Variants in KIAA0930 observed in about 807,000 individuals in gnomAD.
KIAA0930 encodes the protein uncharacterized protein KIAA0930.
A neutral mutation model predicts 43.9 loss-of-function variants in KIAA0930; 24 were observed. The ratio of observed to expected loss-of-function variants is 0.55; its 90% CI spans 0.40 to 0.77. The LOEUF (loss-of-function observed/expected upper bound fraction) is 0.77, where lower values mean the gene tolerates loss of function less well. Ranked by LOEUF, KIAA0930 falls within the 30% of genes least tolerant of loss-of-function variation. KIAA0930 has a pLI of 0.00. For synonymous variants in KIAA0930, 259 were observed against 216.4 expected, an observed-to-expected ratio of 1.20 and a Z score of -1.73; for missense variants, 461 against 574.2, an observed-to-expected ratio of 0.80 and a Z score of 2.02.
chr22:45,240,543 C>T (rs2083910585), intron 1 of KIAA0930, 97 bp downstream of exon 1: 3 of 830,936 alleles, frequency 3.6e-6, no homozygotes, highest in Admixed American at 2.3e-5. Context: ...CGCGCAGAGA[C>T]AGAGATGCGC....
chr22:45,202,966 C>T (rs772484012), intron 7 of KIAA0930, 24 bp downstream of exon 7: 13 of 1,557,856 alleles, frequency 8.3e-6, no homozygotes, highest in South Asian at 2.4e-5. Context: ...TGGGAGCCCC[C>T]GCCCCCAGCT....
intron 1 of KIAA0930, among the ~76,000 whole-genome samples, chr22:45,217,317 C>T (rs192504778): frequency 5.8e-4 from 76 of 130,562 alleles, no homozygotes; most frequent in South Asian, 1.1e-3. Flanking sequence ...GCTAAAATCA[C>T]GCCACTGCAC....
chr22:45,224,542 A>G (rs180839737), intron 1 of KIAA0930, among the ~76,000 whole-genome samples: 20 of 152,078 alleles, frequency 1.3e-4, no homozygotes, highest in Non-Finnish European at 8.8e-5. Context: ...GTTTGAACCC[A>G]CTCGTCCTCA....
At chr22:45,231,442 G>T (rs1601827104) in intron 1 of KIAA0930, among the ~76,000 whole-genome samples, 1 of 151,686 alleles carries the variant, frequency 6.6e-6, no homozygotes, top group Admixed American at 6.6e-5. Context: ...TCCGAGGGAT[G>T]TCTGGGCTTG....
intron 1 of KIAA0930, among the ~76,000 whole-genome samples, chr22:45,227,836 C>G (rs996248780): frequency 6.6e-6 from 1 of 152,228 alleles, no homozygotes; most frequent in Non-Finnish European, 1.5e-5. Flanking sequence ...GCAGCTCCGG[C>G]TGGGGCGGAT....
At chr22:45,223,659 G>A (rs983285700) in intron 1 of KIAA0930, among the ~76,000 whole-genome samples, 1 of 151,652 alleles carries the variant, frequency 6.6e-6, no homozygotes, top group African/African-American at 2.4e-5. Flanking sequence ...CACTAAGCCA[G>A]CACCCAGGGT....
At chr22:45,239,139 G>A (rs777321816) in intron 1 of KIAA0930, among the ~76,000 whole-genome samples, 5 of 152,204 alleles carry the variant, frequency 3.3e-5, no homozygotes, top group African/African-American at 7.2e-5. Context: ...GTGGTCAGAG[G>A]ACAATAGGTG....
rs774160004 is a variant in KIAA0930 at position 45,202,982 on chromosome 22, GC to G, written c.852+7del. ...GGGAGCCCCCGCCCCCAGCTGTGCA[GC>G]CCTTACCCGCTCGTGCATGGGCGAA... On this transcript the variant is annotated splice_region_variant and intron_variant, in intron 7 of 9. Transcript: ENST00000336156. The G allele has an allele frequency of 1.4e-5, 22 of 1,600,578 alleles. No homozygotes were observed. The highest frequency in any genetic ancestry group is 1.7e-5 in the Non-Finnish European group (20 of 1,173,248).
At chr22:45,215,536 A>G (rs2083726514) in intron 1 of KIAA0930, among the ~76,000 whole-genome samples, 1 of 152,254 alleles carries the variant, frequency 6.6e-6, no homozygotes, top group Non-Finnish European at 1.5e-5. Flanking sequence ...ACGAAAGGAA[A>G]GGACACAATA....
rs55641702 is a variant in KIAA0930 at position 45,206,701 on chromosome 22, A to ATTTT, written c.217-793_217-790dup. Among the ~76,000 whole-genome samples, 93 of 146,264 alleles carry ATTTT rather than the reference A, an allele frequency of 6.4e-4. 2 individuals are homozygous for ATTTT. Among genetic ancestry groups the ATTTT allele is most frequent in the Non-Finnish European group, 7.5e-4 (50 of 66,612 alleles). Reference sequence around the variant, plus strand: ...ACCTCTCCTGGGAGACTGGCTTCCAATTTTTTTTTTTTTTTGAGACAGAAT... The same window carrying ATTTT: ...ACCTCTCCTGGGAGACTGGCTTCCAATTTTTTTTTTTTTTTTTTTGAGACAGAAT... On this transcript the variant is annotated intron_variant, in intron 2 of 9. Coordinates refer to ENST00000336156, the MANE Select transcript of KIAA0930 (RefSeq NM_001009880.2).
chr22:45,229,823 G>C (rs934743806), intron 1 of KIAA0930, among the ~76,000 whole-genome samples: 29 of 152,388 alleles, frequency 1.9e-4, no homozygotes, highest in African/African-American at 6.5e-4. Context: ...GCCAGGTGCA[G>C]TGGCTCATGC....
Position 45,196,696 on chromosome 22 carries a change from G to A in KIAA0930, c.*480C>T, listed in dbSNP as rs2072718. 5.4e-4 allele frequency: 85 copies of A among 155,982 alleles called. 1 individual carries two copies. The East Asian group carries it at 0.012, about 23-fold the overall frequency. The allele number at this position is 155,982 out of a possible 1,614,324, so 9.7% of individuals were successfully genotyped here. A position where few individuals can be genotyped will look rare whatever the true frequency, so the allele number is the denominator to read the frequency against. On this transcript the variant is annotated 3_prime_UTR_variant, in exon 10 of 10. Transcript: ENST00000336156. The surrounding 1 kb of genome is among the most constrained non-coding windows in gnomAD (Gnocchi z 4.1). ...GGGGAGGATGAGCTGGGACTGACTC[G>A]GGTGCTGAAGTTCATCCGCACGGCA...
In KIAA0930 at chr22:45,194,633, A is replaced by G. The variant is rs1177614114; in HGVS notation, c.*2543T>C. ...CTGCCACTTGTTACTCTATTACTTT[A>G]TTCCACATGTCATCTGTTACTTTGG... On this transcript the variant is annotated 3_prime_UTR_variant, in exon 10 of 10. Transcript: ENST00000336156. The G allele has an allele frequency of 2.6e-5, 4 of 152,178 alleles. No individual in the cohort carries two copies. Among genetic ancestry groups the G allele is most frequent in the Admixed American group, 6.5e-5 (1 of 15,290 alleles). 9.4% of individuals were successfully genotyped at this position (152,178 alleles called of 1,614,324 possible).
At chr22:45,202,626 G>A (rs1479490880) in intron 7 of KIAA0930, 14 of 188,822 alleles carry the variant, frequency 7.4e-5, no homozygotes, top group East Asian at 1.3e-4. Context: ...CGCCAGGGCC[G>A]GGCCTGGGTC....
intron 2 of KIAA0930, among the ~76,000 whole-genome samples, chr22:45,208,374 G>A (rs2083658682): frequency 6.8e-6 from 1 of 147,702 alleles, no homozygotes; most frequent in Non-Finnish European, 1.5e-5. Context: ...CCACATGCAC[G>A]AGCTGTAAGA....
chr22:45,224,072 T>C (rs1404816583), intron 1 of KIAA0930, among the ~76,000 whole-genome samples: 2 of 152,248 alleles, frequency 1.3e-5, no homozygotes, highest in Non-Finnish European at 2.9e-5. Context: ...TTGTATTTTG[T>C]ACCCTGAGCA....
chr22:45,199,315 T>A (rs2083565170), intron 8 of KIAA0930, among the ~76,000 whole-genome samples: 2 of 151,992 alleles, frequency 1.3e-5, no homozygotes, highest in African/African-American at 4.8e-5. Context: ...AGGGGCATGG[T>A]AACACCCAGA....
chr22:45,227,167 G>T (rs560091739), intron 1 of KIAA0930, among the ~76,000 whole-genome samples: 4 of 152,334 alleles, frequency 2.6e-5, no homozygotes, highest in African/African-American at 9.6e-5. Flanking sequence ...AGGCCCACAT[G>T]TACTAGGTGC....
intron 8 of KIAA0930, among the ~76,000 whole-genome samples, chr22:45,199,513 G>A (rs536007097): frequency 3.9e-5 from 6 of 152,288 alleles, no homozygotes; most frequent in Middle Eastern, 6.8e-3. Flanking sequence ...CCTCTCTCCC[G>A]CCACACCCCG....
Sources: gnomAD v4.1 joint callset for allele counts (sites outside exome capture counted in the v4.1 genomes callset) on GRCh38, gnomAD v4.1.1 for gene constraint, Gnocchi (gnomAD v3.1) non-coding constraint, MANE v1.5 for transcripts, NCBI Gene and HGNC (gene_info 2026-07-23, HGNC 2026-07-21) for gene names.